CRIP2: variants seen among roughly 807,000 people sequenced by gnomAD.
CRIP2 encodes the protein cysteine rich protein 2.
A neutral mutation model predicts 31.3 loss-of-function variants in CRIP2; 31 were observed. The observed-to-expected ratio is 0.99, with a 90% CI of 0.74 to 1.34. The LOEUF (loss-of-function observed/expected upper bound fraction) is 1.34, where lower values mean the gene tolerates loss of function less well. Among genes scored for constraint, CRIP2 ranks in the 40% most tolerant of loss-of-function variants. CRIP2 has a pLI of 0.00. For synonymous variants in CRIP2, 177 were observed against 127.2 expected (o/e 1.39, Z -2.63); for missense variants, 389 against 301.6 (o/e 1.29, Z -2.15).
Position 105,478,489 on chromosome 14 carries a change from A to G in CRIP2, c.178A>G (p.Thr60Ala), listed in dbSNP as rs1295975714. 5.0e-6 allele frequency: 8 copies of G among 1,608,762 alleles called. No homozygotes were observed. In the Admixed American group the frequency reaches 1.2e-4, roughly 24 times the overall value. ...GTTCTGCCACAAGCCGTGCTACGCCACCCTGTTCGGACCCAAAGGTGAGCT... is the reference window on the plus strand; with the variant it reads ...GTTCTGCCACAAGCCGTGCTACGCCGCCCTGTTCGGACCCAAAGGTGAGCT... The part of the protein sequence containing the change: ...KPFCHKPCYA[T>A]LFGPKGVNIG... The change falls in exon 3 of 8, where the codon ACC (threonine) becomes GCC (alanine). Residue 60 changes from threonine to alanine, a missense_variant. By Grantham distance (58) the Thr-to-Ala change is moderately conservative (BLOSUM62 0). Transcript: ENST00000329146. The surrounding 1 kb of genome is among the most constrained non-coding windows in gnomAD (Gnocchi z 4.9).
At chr14:105,477,352 CGG>C in intron 1 of CRIP2, 1 of 985,220 alleles carries the variant, frequency 1.0e-6, no homozygotes, top group Non-Finnish European at 1.2e-6. Flanking sequence ...GGCATTACGG[CGG>C]GGGGAGAGCT....
Position 105,479,412 on chromosome 14 carries a change from C to T in CRIP2, c.502-24C>T, listed in dbSNP as rs370173238. The T allele has an allele frequency of 1.4e-4, 225 of 1,612,568 alleles. No homozygotes were observed. The African/African-American group carries it at 1.7e-3, about 12-fold the overall frequency. ...GTCGGGGGAGTCTGTGGACTCCTCC[C>T]TCAGCACCCACCTTCTGCCCCAGCA... On this transcript the variant is annotated intron_variant, in intron 6 of 7. Coordinates refer to ENST00000329146, the MANE Select transcript of CRIP2 (RefSeq NM_001312.4).
chr14:105,475,960 C>T, intron 1 of CRIP2: 4 of 985,614 alleles, frequency 4.1e-6, no homozygotes, highest in Non-Finnish European at 4.8e-6. Context: ...CTGGGCTTCC[C>T]CGGCTCACAG....
intron 1 of CRIP2, chr14:105,475,971 G>T: frequency 1.0e-6 from 1 of 985,606 alleles, no homozygotes; most frequent in Non-Finnish European, 1.2e-6. Flanking sequence ...CGGCTCACAG[G>T]CTGGAGGGGG....
Position 105,479,725 on chromosome 14 carries a change from C to A in CRIP2, c.*72C>A. On this transcript the variant is annotated 3_prime_UTR_variant, in exon 8 of 8. Transcript: ENST00000329146. ...GCAGGGGCCCCCCTGCTTGGCTCTG[C>A]TGGGAGAGTGCTCAGCCGCCCAGTC... 6.6e-7 allele frequency: 1 copy of A among 1,504,784 alleles called. No individual in the cohort carries two copies. Among genetic ancestry groups the A allele is most frequent in the Non-Finnish European group, 9.0e-7 (1 of 1,108,122 alleles). The allele number at this position is 1,504,784 out of a possible 1,614,324, so 93.2% of individuals were successfully genotyped here. A position where few individuals can be genotyped will look rare whatever the true frequency, so the allele number is the denominator to read the frequency against.
Position 105,479,050 on chromosome 14 carries a change from G to T in CRIP2, c.406+3G>T, listed in dbSNP as rs782161247. 1.5e-5 allele frequency: 24 copies of T among 1,572,824 alleles called. No individual in the cohort carries two copies. In the Admixed American group the frequency reaches 4.4e-4, roughly 29 times the overall value. ...CTGCAGCAAGAAGGTGTACTTCGGTGAGTGCGCGCCCGGGCCCCGGACCCC... is the reference window on the plus strand; with the variant it reads ...CTGCAGCAAGAAGGTGTACTTCGGTTAGTGCGCGCCCGGGCCCCGGACCCC... On this transcript the variant is annotated splice_donor_region_variant and intron_variant, in intron 5 of 7. Coordinates refer to ENST00000329146, the MANE Select transcript of CRIP2 (RefSeq NM_001312.4).
chr14:105,479,506 A>G lies in CRIP2; in HGVS notation c.559+13A>G, dbSNP rs782004249. 2.5e-6 allele frequency: 4 copies of G among 1,612,818 alleles called. No individual in the cohort carries two copies. Among genetic ancestry groups the G allele is most frequent in the Non-Finnish European group, 3.4e-6 (4 of 1,179,894 alleles). On this transcript the variant is annotated intron_variant, in intron 7 of 7. Transcript: ENST00000329146. Reference sequence around the variant, plus strand: ...TTCGGACCCAAGGGTGAGTGTAGCCAGGGTGGTCCACGATGTCTTCCCTGC... The same window carrying G: ...TTCGGACCCAAGGGTGAGTGTAGCCGGGGTGGTCCACGATGTCTTCCCTGC...
intron 1 of CRIP2, chr14:105,475,426 C>G (rs2083911900): frequency 6.6e-6 from 1 of 152,496 alleles, no homozygotes; most frequent in South Asian, 2.1e-4. Flanking sequence ...TGGACTCTGT[C>G]GGGATTCAGT....
intron 1 of CRIP2, chr14:105,475,486 C>G (rs2083913230): frequency 6.6e-6 from 1 of 152,408 alleles, no homozygotes; most frequent in South Asian, 2.1e-4. Flanking sequence ...CCGACGCATT[C>G]CCTTGGCGCC....
At chr14:105,477,454 G>A in intron 1 of CRIP2, 6 of 985,184 alleles carry the variant, frequency 6.1e-6, no homozygotes, top group Non-Finnish European at 7.2e-6. Flanking sequence ...TGAGGGAGCT[G>A]GAGGTTCTGG....
chr14:105,478,248 G>T lies in CRIP2; in HGVS notation c.44-18G>T. 6.6e-7 allele frequency: 1 copy of T among 1,525,456 alleles called. No individual in the cohort carries two copies. 94.5% of individuals were successfully genotyped at this position (1,525,456 alleles called of 1,614,324 possible). A position where few individuals can be genotyped will look rare whatever the true frequency, so the allele number is the denominator to read the frequency against. On this transcript the variant is annotated intron_variant, in intron 1 of 7. Coordinates refer to ENST00000329146, the MANE Select transcript of CRIP2 (RefSeq NM_001312.4). This position sits in a 1 kb window ranked among gnomAD's most constrained non-coding sequence, Gnocchi z 4.9. The stretch of plus-strand genomic sequence containing the variant: ...GGCGCGCCCCGGCCCTGACCCCCCT[G>T]CCGCCCCTCCCGCTCAGCCGAGAAG...
At chr14:105,474,807 G>A (rs1317079690), upstream of CRIP2, 3 of 1,297,108 alleles carry the variant, frequency 2.3e-6, no homozygotes, top group South Asian at 2.2e-5. This position sits in a 1 kb window ranked among gnomAD's most constrained non-coding sequence, Gnocchi z 5.1. Context: ...GGGCGCGGGC[G>A]GCGGCGGCCC....
upstream of CRIP2, among the ~76,000 whole-genome samples, chr14:105,473,846 TGAC>T (rs1349663330): frequency 6.6e-6 from 1 of 152,090 alleles, no homozygotes; most frequent in African/African-American, 2.4e-5. Context: ...ATCTCCCGCC[TGAC>T]CCCTCGAGGT....
rs587597401 is a variant in CRIP2 at position 105,474,995 on chromosome 14, G to T, written c.43+90G>T. Reference sequence around the variant, plus strand: ...CCGCAGAGCCGCGGCGTAACTCGGGGTGCGCCCGGCCCCGGCCCCGGACCG... The same window carrying T: ...CCGCAGAGCCGCGGCGTAACTCGGGTTGCGCCCGGCCCCGGCCCCGGACCG... On this transcript the variant is annotated intron_variant, in intron 1 of 7. Coordinates refer to ENST00000329146, the MANE Select transcript of CRIP2 (RefSeq NM_001312.4). This position sits in a 1 kb window ranked among gnomAD's most constrained non-coding sequence, Gnocchi z 5.1. The T allele has an allele frequency of 3.0e-6, 4 of 1,313,772 alleles. No homozygotes were observed. In the East Asian group the frequency reaches 1.3e-4, roughly 44 times the overall value. 81.4% of individuals were successfully genotyped at this position (1,313,772 alleles called of 1,614,324 possible). A position where few individuals can be genotyped will look rare whatever the true frequency, so the allele number is the denominator to read the frequency against.
chr14:105,476,120 G>C (rs1196600649), intron 1 of CRIP2: 17 of 985,422 alleles, frequency 1.7e-5, no homozygotes, highest in Non-Finnish European at 2.0e-5. Context: ...CTGTCCCAGC[G>C]AGGGCTGTCT....
intron 1 of CRIP2, among the ~76,000 whole-genome samples, chr14:105,477,813 G>A (rs1357199539): frequency 2.6e-5 from 3 of 114,028 alleles, no homozygotes; most frequent in Admixed American, 8.9e-5. Flanking sequence ...GTGGGGGGAG[G>A]CGGGCGTGTG....
chr14:105,478,464 G>A lies in CRIP2; in HGVS notation c.153G>A (p.Pro51=). ...CCTCTGCGCAGCATGACGGGAAGCC[G>A]TTCTGCCACAAGCCGTGCTACGCCA... ...PGGHAEHDGK[P]FCHKPCYATL... is the part of the protein sequence containing the mutation. The change falls in exon 3 of 8, where the codon CCG becomes CCA. Residue 51 remains proline (P), a synonymous_variant. Transcript: ENST00000329146. This position sits in a 1 kb window ranked among gnomAD's most constrained non-coding sequence, Gnocchi z 4.9. 6.2e-7 allele frequency: 1 copy of A among 1,606,788 alleles called. No individual in the cohort carries two copies. Among genetic ancestry groups the A allele is most frequent in the Non-Finnish European group, 8.5e-7 (1 of 1,178,892 alleles).
At chr14:105,473,285 T>C (rs1555435124), upstream of CRIP2, 9 of 1,366,030 alleles carry the variant, frequency 6.6e-6, no homozygotes, top group South Asian at 7.4e-5. Flanking sequence ...CTGGCACAGG[T>C]CCCAAGTGCA....
rs1555436367 is a variant in CRIP2, at chr14:105,478,365, G to A, written c.138+5G>A. On this transcript the variant is annotated splice_donor_5th_base_variant and intron_variant, in intron 2 of 7. Coordinates refer to ENST00000329146, the MANE Select transcript of CRIP2 (RefSeq NM_001312.4). The surrounding 1 kb of genome is among the most constrained non-coding windows in gnomAD (Gnocchi z 4.9). ...ACGCCCGGGGGCCACGCCGAGGTGA[G>A]CCCCACTGCGCGGCGCGGGCGGGGG... The A allele has an allele frequency of 1.9e-6, 3 of 1,573,064 alleles. No homozygotes were observed. Among genetic ancestry groups the A allele is most frequent in the Non-Finnish European group, 2.6e-6 (3 of 1,161,574 alleles).
Sources: allele counts gnomAD v4.1 joint callset (sites outside exome capture counted in the v4.1 genomes callset), GRCh38; gene constraint gnomAD v4.1.1; non-coding constraint Gnocchi (gnomAD v3.1); transcripts MANE v1.5; gene names NCBI Gene and HGNC (gene_info 2026-07-23, HGNC 2026-07-21).